The following FGF12 variants were observed in gnomAD, a reference collection of about 807,000 sequenced individuals.
The protein encoded by FGF12 is fibroblast growth factor 12B.
A neutral mutation model predicts 23.6 loss-of-function variants in FGF12; 14 were observed. The observed-to-expected ratio is 0.59, with a 90% CI of 0.39 to 0.93. The LOEUF is 0.93. Among genes scored for constraint, FGF12 ranks in the 40% least tolerant of loss-of-function variants. FGF12 has a pLI of 0.00. For missense variants in FGF12, 175 were observed against 217.8 expected (o/e 0.80, Z 1.24); for synonymous variants, 62 against 77.3 (o/e 0.80, Z 1.04).
chr3:192,161,524 ACACACACACACAT>A (rs1463338162), intron 5 of FGF12, among the ~76,000 whole-genome samples: 1 of 151,810 alleles, frequency 6.6e-6, no homozygotes, highest in Admixed American at 6.6e-5. Flanking sequence ...ACACACACAC[ACACACACACACAT>A]CACATCACAT....
intron 3 of FGF12, among the ~76,000 whole-genome samples, chr3:192,339,200 C>T (rs1479217405): frequency 6.6e-6 from 1 of 152,132 alleles, no homozygotes; most frequent in Admixed American, 6.5e-5. Context: ...CTGGAAAGGT[C>T]CTCATCTGCC....
intron 2 of FGF12, among the ~76,000 whole-genome samples, chr3:192,502,733 C>G (rs1028527224): frequency 6.6e-6 from 1 of 152,096 alleles, no homozygotes; most frequent in African/African-American, 2.4e-5. Context: ...AAGCAACTAA[C>G]GTTGGAATGG....
intron 2 of FGF12, among the ~76,000 whole-genome samples, chr3:192,632,090 T>G (rs1162471625): frequency 6.6e-6 from 1 of 152,190 alleles, no homozygotes; most frequent in African/African-American, 2.4e-5. Flanking sequence ...CTGAGCTAAA[T>G]AGCTTTACAC....
intron 3 of FGF12, among the ~76,000 whole-genome samples, chr3:192,351,990 A>T (rs1011634764): frequency 2.0e-5 from 3 of 152,324 alleles, no homozygotes; most frequent in Middle Eastern, 6.8e-3. Context: ...TCCAAGACAT[A>T]CAAATCTGTG....
intron 2 of FGF12, among the ~76,000 whole-genome samples, chr3:192,401,798 A>G (rs956799214): frequency 2.0e-5 from 3 of 152,152 alleles, no homozygotes; most frequent in South Asian, 2.1e-4. Flanking sequence ...TGCTTCAGCT[A>G]TACTTCAATT....
chr3:192,164,860 T>TATC (rs1715072278), intron 5 of FGF12, among the ~76,000 whole-genome samples: 1 of 152,240 alleles, frequency 6.6e-6, no homozygotes, highest in Non-Finnish European at 1.5e-5. Context: ...TCTCTTATGC[T>TATC]ATCATTTTCT....
intron 2 of FGF12, among the ~76,000 whole-genome samples, chr3:192,463,045 T>C (rs1576997510): frequency 6.6e-6 from 1 of 152,076 alleles, no homozygotes; most frequent in Non-Finnish European, 1.5e-5. Flanking sequence ...TCCCCAGGTA[T>C]AGAGGAGGGA....
At chr3:192,557,667 C>T (rs1271749916) in intron 2 of FGF12, among the ~76,000 whole-genome samples, 4 of 151,388 alleles carry the variant, frequency 2.6e-5, no homozygotes, top group Non-Finnish European at 5.9e-5. Context: ...AAATTCTCAA[C>T]AAAATGCTAG....
At chr3:192,223,351 C>A (rs1718567867) in intron 4 of FGF12, among the ~76,000 whole-genome samples, 1 of 152,128 alleles carries the variant, frequency 6.6e-6, no homozygotes, top group South Asian at 2.1e-4. Flanking sequence ...AGTTTTTCTT[C>A]CTCACATTAT....
intron 5 of FGF12, among the ~76,000 whole-genome samples, chr3:192,160,339 A>G (rs146771325): frequency 8.5e-5 from 13 of 152,212 alleles, no homozygotes; most frequent in African/African-American, 2.9e-4. Context: ...CCATTCCTTT[A>G]ATCAATCCAT....
chr3:192,494,280 C>A (rs538544325), intron 2 of FGF12, among the ~76,000 whole-genome samples: 23 of 152,298 alleles, frequency 1.5e-4, no homozygotes, highest in African/African-American at 5.5e-4. Context: ...ATGTTTAACT[C>A]CCTCTGCAAT....
At chr3:192,380,679 T>C (rs1475516701) in intron 2 of FGF12, among the ~76,000 whole-genome samples, 2 of 152,126 alleles carry the variant, frequency 1.3e-5, no homozygotes, top group South Asian at 2.1e-4. Context: ...CAATAAAAAG[T>C]AGAGTACAAC....
intron 4 of FGF12, among the ~76,000 whole-genome samples, chr3:192,229,332 T>C (rs1416669122): frequency 6.6e-6 from 1 of 151,914 alleles, no homozygotes; most frequent in Non-Finnish European, 1.5e-5. Flanking sequence ...CAAAGAAAAA[T>C]GATTATCTTC....
At chr3:192,548,728 T>C (rs1318351864) in intron 2 of FGF12, among the ~76,000 whole-genome samples, 3 of 152,152 alleles carry the variant, frequency 2.0e-5, no homozygotes, top group Admixed American at 6.5e-5. Context: ...AAGACAATCA[T>C]GTATTTACCC....
chr3:192,554,398 C>T (rs73887628), intron 2 of FGF12, among the ~76,000 whole-genome samples: 2,547 of 151,846 alleles, frequency 0.017, 68 homozygotes, highest in African/African-American at 0.059. Context: ...GTGGCAGCTC[C>T]AAAGAACACA....
At chr3:192,411,223 G>A (rs903676904) in intron 2 of FGF12, among the ~76,000 whole-genome samples, 2 of 152,166 alleles carry the variant, frequency 1.3e-5, no homozygotes, top group African/African-American at 2.4e-5. Context: ...GATCTGTGAC[G>A]TTGTTCAGAT....
intron 2 of FGF12, among the ~76,000 whole-genome samples, chr3:192,575,930 G>T (rs1218221740): frequency 6.6e-6 from 1 of 151,710 alleles, no homozygotes; most frequent in Non-Finnish European, 1.5e-5. Flanking sequence ...ATATGAAAAA[G>T]GTACTTGAAA....
chr3:192,694,983 A>C (rs1435249319), intron 2 of FGF12, among the ~76,000 whole-genome samples: 4 of 152,078 alleles, frequency 2.6e-5, no homozygotes, highest in Non-Finnish European at 5.9e-5. Flanking sequence ...ATATTTGTAC[A>C]TATACTAAAA....
intron 2 of FGF12, among the ~76,000 whole-genome samples, chr3:192,655,121 T>C (rs988608650): frequency 6.6e-6 from 1 of 152,134 alleles, no homozygotes; most frequent in Non-Finnish European, 1.5e-5. Flanking sequence ...ATATGGTGTA[T>C]AAAACATCGA....
Sources: allele counts gnomAD v4.1 joint callset (sites outside exome capture counted in the v4.1 genomes callset), GRCh38; gene constraint gnomAD v4.1.1; transcripts MANE v1.5; gene names NCBI Gene and HGNC (gene_info 2026-07-23, HGNC 2026-07-21).